Variants in INTS1 observed in about 807,000 individuals in gnomAD.
INTS1 encodes integrator complex subunit 1.
In INTS1, 137 loss-of-function variants were observed where a neutral mutation model predicts 241.6. The ratio of observed to expected loss-of-function variants is 0.57; its 90% confidence interval spans 0.49 to 0.65. The LOEUF (loss-of-function observed/expected upper bound fraction) is 0.65. INTS1 is among the 30% of genes least tolerant of loss of function. The pLI is 0.00. For missense variants in INTS1, 3,073 were observed against 3,032.2 expected, an observed-to-expected ratio of 1.01 and a Z score of -0.32; for synonymous variants, 1,692 against 1,337.8, an observed-to-expected ratio of 1.26 and a Z score of -5.78.
chr7:1,479,771 G>A (rs543613718), intron 30 of INTS1, 87 bp from the exon 31 acceptor site: 15 of 1,347,406 alleles, frequency 1.1e-5, no homozygotes, highest in Middle Eastern at 2.6e-4. Context: ...GTGCAGCTCC[G>A]TGCCAGAACC....
Position 1,477,218 on chromosome 7 carries a change from T to C in INTS1, c.4939-300A>G, listed in dbSNP as rs1781765701. Reference sequence around the variant, plus strand: ...GCCCAGCACCTGCCCTCCCTTCTCCTGGCCACAGCCCCATTCCCTTTGGGA... The same window carrying C: ...GCCCAGCACCTGCCCTCCCTTCTCCCGGCCACAGCCCCATTCCCTTTGGGA... On this transcript the variant is annotated intron_variant, in intron 35 of 47. Coordinates refer to ENST00000404767, the MANE Select transcript of INTS1 (RefSeq NM_001080453.3). 2.0e-5 allele frequency among the ~76,000 whole-genome samples: 3 copies of C among 152,232 alleles called. No individual in the cohort carries two copies. In the South Asian group the frequency reaches 6.2e-4, roughly 31 times the overall value.
rs1388514123 is a variant in INTS1, at chr7:1,500,134, G to A, written c.546+36C>T. ...GTGAGGAGGGGAGCCAAGGGCCCCAGCGCTGCTCGCCTCCTGCCAGGGGCC... is the reference window on the plus strand; with the variant it reads ...GTGAGGAGGGGAGCCAAGGGCCCCAACGCTGCTCGCCTCCTGCCAGGGGCC... On this transcript the variant is annotated intron_variant, in intron 4 of 47. Transcript: ENST00000404767. 2.5e-6 allele frequency: 4 copies of A among 1,579,900 alleles called. No homozygotes were observed. The African/African-American group carries it at 5.4e-5, about 21-fold the overall frequency.
chr7:1,496,028 G>A (rs974875311), intron 12 of INTS1, 128 bp downstream of exon 12: 23 of 681,726 alleles, frequency 3.4e-5, no homozygotes, highest in African/African-American at 7.2e-5. Flanking sequence ...CCGTGTCCCC[G>A]AGTAGCCGTG....
At chr7:1,503,870 C>CCCCCAAAGA in intron 2 of INTS1, 33 bp downstream of exon 2, 1 of 1,522,644 alleles carries the variant, frequency 6.6e-7, no homozygotes, top group Admixed American at 2.0e-5. Flanking sequence ...CCCCCAAAGA[C>CCCCCAAAGA]CCCCGGGCTG....
intron 16 of INTS1, among the ~76,000 whole-genome samples, chr7:1,489,930 T>A (rs1396571444): frequency 6.6e-6 from 1 of 152,078 alleles, no homozygotes; most frequent in African/African-American, 2.4e-5. Context: ...GGAGCGGTGG[T>A]GGATACATAA....
rs1781710157 is a variant in INTS1 at position 1,476,233 on chromosome 7, C to T, written c.5374G>A (p.Asp1792Asn). 11 of 1,552,780 alleles carry T rather than the reference C, an allele frequency of 7.1e-6. No individual in the cohort carries two copies. Among genetic ancestry groups the T allele is most frequent in the Non-Finnish European group, 9.6e-6 (11 of 1,149,642 alleles). The change falls in exon 38 of 48, where the codon GAC becomes AAC. Residue 1792 changes from aspartate (D) to asparagine (N), a missense_variant. Asp to Asn is a conservative substitution (Grantham distance 23). Coordinates refer to ENST00000404767, the MANE Select transcript of INTS1 (RefSeq NM_001080453.3). ...GGGGCCGGGGGGCCTGAGCACCTGT[C>T]TCCCCACTGCTGGATGCAGCCTGAC... is the stretch of plus-strand genomic sequence containing the variant. ...HLSGCIQQWG[D>N]SVLGRRCRDL...
chr7:1,473,996 G>C (rs984996627), intron 41 of INTS1, among the ~76,000 whole-genome samples, 172 bp downstream of exon 41: 6 of 152,240 alleles, frequency 3.9e-5, no homozygotes, highest in Non-Finnish European at 8.8e-5. Context: ...AGGCACGTGA[G>C]GGGCAGCAGG....
intron 39 of INTS1, among the ~76,000 whole-genome samples, chr7:1,475,411 G>C (rs1447599161): frequency 6.6e-5 from 10 of 152,182 alleles, no homozygotes; most frequent in Admixed American, 6.5e-4. Flanking sequence ...CACATCAAGT[G>C]TGATTTCAAC....
intron 11 of INTS1, among the ~76,000 whole-genome samples, chr7:1,496,571 C>T (rs1438752309): frequency 6.6e-6 from 1 of 152,090 alleles, no homozygotes; most frequent in Non-Finnish European, 1.5e-5. Flanking sequence ...AGCAGGGATC[C>T]AGAGAGAGAG....
rs774553572 is a variant in INTS1, at chr7:1,503,117, G to A, written c.133C>T (p.Leu45=). Residue 45 remains leucine, a synonymous_variant, in exon 3 of 48, where the codon CTG becomes TTG. Transcript: ENST00000404767. ...AGGCCGGAAGGGGCTGGCTTCAGCAGGGTGGACGCCGTTTTCGATTCATTG... is the reference window on the plus strand; with the variant it reads ...AGGCCGGAAGGGGCTGGCTTCAGCAAGGTGGACGCCGTTTTCGATTCATTG... ...QANESKTAST[L]LKPAPSGLPS... 12 of 1,602,948 alleles carry A rather than the reference G, an allele frequency of 7.5e-6. No homozygotes were observed. Among genetic ancestry groups the A allele is most frequent in the African/African-American group, 1.3e-5 (1 of 74,590 alleles).
chr7:1,491,815 T>C (rs544228437), intron 16 of INTS1, among the ~76,000 whole-genome samples: 1 of 152,196 alleles, frequency 6.6e-6, no homozygotes, highest in Non-Finnish European at 1.5e-5. Context: ...GGAGGACCGC[T>C]TGAGCCAGGG....
At position 1,476,788 on chromosome 7, in the gene INTS1, G is replaced by A. The variant is rs533147048; in HGVS notation, c.5063+6C>T. On this transcript the variant is annotated splice_donor_region_variant and intron_variant, in intron 36 of 47. Transcript: ENST00000404767. ...CAGCCCAGGTTGGGGACAGGGAGGC[G>A]CCCACCTCTGTTCCCGGCTCTTGCC... 4.2e-5 allele frequency: 67 copies of A among 1,611,952 alleles called. No individual in the cohort carries two copies. The East Asian group carries it at 9.8e-4, about 24-fold the overall frequency.
chr7:1,473,672 G>A lies in INTS1; in HGVS notation c.5851C>T (p.His1951Tyr), dbSNP rs1781579420. ...LLLNYRKSSR[H>Y]LAAFINKFVQ... is the part of the protein sequence containing the mutation. ...AACTTGTTGATGAAGGCAGCCAGAT[G>A]GCGGGAGGACTTCCTGTAATTCTGC... Residue 1951 changes from histidine to tyrosine, a missense_variant, in exon 42 of 48, where the codon CAT becomes TAT. Coordinates refer to ENST00000404767, the MANE Select transcript of INTS1 (RefSeq NM_001080453.3). 6 of 1,613,214 alleles carry A rather than the reference G, an allele frequency of 3.7e-6. No individual in the cohort carries two copies. The highest frequency in any genetic ancestry group is 1.1e-5 in the South Asian group (1 of 91,076).
rs759567220 is a variant in INTS1, at chr7:1,476,489, C to T, written c.5152-34G>A. 3 of 1,600,064 alleles carry T rather than the reference C, an allele frequency of 1.9e-6. No homozygotes were observed. In the South Asian group the frequency reaches 3.3e-5, roughly 18 times the overall value. Reference sequence around the variant, plus strand: ...GGTGCCTGCATCAGCCCCGGAGCACCACCGCCTCTCCCGGATGGGCCACCC... The same window carrying T: ...GGTGCCTGCATCAGCCCCGGAGCACTACCGCCTCTCCCGGATGGGCCACCC... On this transcript the variant is annotated intron_variant, in intron 37 of 47. Coordinates refer to ENST00000404767, the MANE Select transcript of INTS1 (RefSeq NM_001080453.3).
rs890218361 is a variant in INTS1 at position 1,497,490 on chromosome 7, G to A, written c.1426-176C>T. Among the ~76,000 whole-genome samples the A allele has an allele frequency of 3.9e-5, 6 of 152,126 alleles. No individual in the cohort carries two copies. The highest frequency in any genetic ancestry group is 1.4e-4 in the African/African-American group (6 of 41,436). ...CTGGCTGCCAGCCCTTGGCGAGCAGGGATCACATCTGATTCCCCTCTCTGA... is the reference window on the plus strand; with the variant it reads ...CTGGCTGCCAGCCCTTGGCGAGCAGAGATCACATCTGATTCCCCTCTCTGA... On this transcript the variant is annotated intron_variant, in intron 10 of 47. Coordinates refer to ENST00000404767, the MANE Select transcript of INTS1 (RefSeq NM_001080453.3). This position sits in a 1 kb window ranked among gnomAD's most constrained non-coding sequence, Gnocchi z 5.3.
rs948562834 is a variant in INTS1 at position 1,478,741 on chromosome 7, G to A, written c.4474C>T (p.Arg1492Cys). 4.4e-6 allele frequency: 7 copies of A among 1,583,992 alleles called. No homozygotes were observed. The Admixed American group carries it at 8.6e-5, about 19-fold the overall frequency. Residue 1492 changes from arginine to cysteine, a missense_variant, in exon 32 of 48, where the codon CGC (arginine) becomes TGC (cysteine). By Grantham distance (180) the Arg-to-Cys change is radical (BLOSUM62 -3). Transcript: ENST00000404767. ...CGGTCCTCACCATCACTGAGCCTGC[G>A]CCCGGCTGAGGCCTGGCTGGCAAGC... ...RMLASQASAG[R>C]RLSDVRGGLL...
In INTS1 at chr7:1,470,435, C is replaced by T. The variant is rs1423006724; in HGVS notation, c.*142G>A. The T allele has an allele frequency of 6.5e-6, 4 of 615,746 alleles. No homozygotes were observed. In the South Asian group the frequency reaches 6.6e-5, roughly 10 times the overall value. The allele number at this position is 615,746 out of a possible 1,614,324, so 38.1% of individuals were successfully genotyped here. On this transcript the variant is annotated 3_prime_UTR_variant, in exon 48 of 48. Coordinates refer to ENST00000404767, the MANE Select transcript of INTS1 (RefSeq NM_001080453.3). ...AGCCACCCCAGGGCTCGGAGTATTG[C>T]TCCTGGGCCTGCCTGGCCTCAGGGC...
chr7:1,488,536 C>A (rs1359337890), intron 18 of INTS1, among the ~76,000 whole-genome samples: 1 of 152,254 alleles, frequency 6.6e-6, no homozygotes, highest in South Asian at 2.1e-4. Context: ...CACAGGCAGA[C>A]ACACACCCAG....
intron 16 of INTS1, among the ~76,000 whole-genome samples, chr7:1,491,523 G>C (rs1452177978): frequency 6.6e-6 from 1 of 152,200 alleles, no homozygotes; most frequent in Non-Finnish European, 1.5e-5. Flanking sequence ...CACAACCCTG[G>C]ACTAGGCGAT....
Sources: gnomAD v4.1 joint callset for allele counts (sites outside exome capture counted in the v4.1 genomes callset) on GRCh38, gnomAD v4.1.1 for gene constraint, Gnocchi (gnomAD v3.1) non-coding constraint, MANE v1.5 for transcripts, NCBI Gene and HGNC (gene_info 2026-07-23, HGNC 2026-07-21) for gene names.